The following LYPD6B variants were observed in gnomAD, a reference collection of about 807,000 sequenced individuals.
LYPD6B encodes ly6/PLAUR domain-containing protein 6B.
Under a neutral mutation model 22.8 loss-of-function variants are expected in LYPD6B, and 17 were observed. The ratio of observed to expected loss-of-function variants is 0.75; its 90% CI spans 0.51 to 1.12. LYPD6B has a LOEUF of 1.12. LYPD6B is among the 50% of genes most tolerant of loss of function. LYPD6B has a pLI of 0.00. For synonymous variants in LYPD6B, 106 were observed against 91.6 expected (o/e 1.16, Z -0.90); for missense variants, 221 against 258.3 (o/e 0.86, Z 0.99).
At chr2:149,086,568 G>A (rs959257309) in intron 1 of LYPD6B, among the ~76,000 whole-genome samples, 23 of 152,200 alleles carry the variant, frequency 1.5e-4, no homozygotes, top group Admixed American at 6.5e-5. Context: ...ATCAGAGCCA[G>A]GACAAAGGGT....
At position 149,214,806 on chromosome 2, in the gene LYPD6B, TTGG is replaced by T. The variant is rs1233822201; in HGVS notation, c.*99_*101del. The T allele has an allele frequency of 7.4e-7, 1 of 1,348,986 alleles. No homozygotes were observed. The highest frequency in any genetic ancestry group is 1.4e-5 in the African/African-American group (1 of 69,744). 83.6% of individuals were successfully genotyped at this position (1,348,986 alleles called of 1,614,324 possible). On this transcript the variant is annotated 3_prime_UTR_variant, in exon 7 of 7. Transcript: ENST00000409642. The stretch of plus-strand genomic sequence containing the variant: ...TTTGGAGTGAAGATCAATCTTGCAC[TTGG>T]TGAAGAGTGCACATTGGACCTCAAG...
At chr2:149,079,005 CTT>C (rs201949554) in intron 1 of LYPD6B, among the ~76,000 whole-genome samples, 9 of 129,552 alleles carry the variant, frequency 6.9e-5, no homozygotes, top group South Asian at 2.5e-4. Context: ...GAGATCCTGT[CTT>C]TTTTTTTTTT....
intron 1 of LYPD6B, among the ~76,000 whole-genome samples, chr2:149,112,209 G>C (rs1369259799): frequency 6.6e-6 from 1 of 152,104 alleles, no homozygotes. Context: ...TGTCTTAGAG[G>C]AGATATGAAA....
chr2:149,215,102 T>C lies in LYPD6B; in HGVS notation c.*392T>C, dbSNP rs1396527771. 1 of 172,742 alleles carries C rather than the reference T, an allele frequency of 5.8e-6. No individual in the cohort carries two copies. The highest frequency in any genetic ancestry group is 2.4e-5 in the African/African-American group (1 of 42,520). 10.7% of individuals were successfully genotyped at this position (172,742 alleles called of 1,614,324 possible). On this transcript the variant is annotated 3_prime_UTR_variant, in exon 7 of 7. Coordinates refer to ENST00000409642, the MANE Select transcript of LYPD6B (RefSeq NM_177964.5). ...TTATGTGATTAGCTCAGAGCATCTC[T>C]ATGAAATCTAACCCTTCCCCTCATG...
chr2:149,157,326 A>ACTT lies in LYPD6B; in HGVS notation c.6-3438_6-3437insCTT. The stretch of plus-strand genomic sequence containing the variant: ...CTATTGCTCTAGAAGTCAGTCTAAA[A>ACTT]ACACACAGGAGGAACTCAAGACTTA... On this transcript the variant is annotated intron_variant, in intron 2 of 6. Coordinates refer to ENST00000409642, the MANE Select transcript of LYPD6B (RefSeq NM_177964.5). 1.3e-5 allele frequency among the ~76,000 whole-genome samples: 2 copies of ACTT among 152,056 alleles called. 1 individual carries two copies.
chr2:149,056,234 C>A (rs1683783613), intron 1 of LYPD6B, among the ~76,000 whole-genome samples: 1 of 152,178 alleles, frequency 6.6e-6, no homozygotes, highest in South Asian at 2.1e-4. Context: ...TCTATCCTGC[C>A]TTTCCACAAT....
intron 1 of LYPD6B, among the ~76,000 whole-genome samples, chr2:149,123,506 A>C (rs1687506567): frequency 6.6e-6 from 1 of 152,178 alleles, no homozygotes; most frequent in Non-Finnish European, 1.5e-5. Context: ...AAGGGCACTG[A>C]ACTGATAATT....
At chr2:149,184,881 C>T (rs144307597) in intron 3 of LYPD6B, among the ~76,000 whole-genome samples, 5 of 152,292 alleles carry the variant, frequency 3.3e-5, no homozygotes, top group African/African-American at 1.2e-4. Context: ...ATGTAGTACG[C>T]GATAGGCATG....
chr2:149,056,654 A>G (rs879412744), intron 1 of LYPD6B, among the ~76,000 whole-genome samples: 8 of 152,172 alleles, frequency 5.3e-5, no homozygotes, highest in Admixed American at 3.9e-4. Context: ...ATGCACATAC[A>G]TGCATGCACA....
chr2:149,068,633 A>G, intron 1 of LYPD6B: 1 of 508,174 alleles, frequency 2.0e-6, no homozygotes, highest in South Asian at 1.5e-5. Flanking sequence ...TTTCCTTATT[A>G]TTATAGCTCC....
At chr2:149,080,540 T>C (rs1685074910) in intron 1 of LYPD6B, among the ~76,000 whole-genome samples, 1 of 152,156 alleles carries the variant, frequency 6.6e-6, no homozygotes, top group South Asian at 2.1e-4. Context: ...TCTTTCTCAC[T>C]TTTAAGAATC....
chr2:149,111,359 A>G (rs529581763), intron 1 of LYPD6B, among the ~76,000 whole-genome samples: 2 of 152,324 alleles, frequency 1.3e-5, no homozygotes, highest in South Asian at 2.1e-4. Context: ...GGAAGTTACT[A>G]TAGTCTTCCA....
chr2:149,073,266 A>G (rs1428043601), intron 1 of LYPD6B, among the ~76,000 whole-genome samples: 1 of 152,152 alleles, frequency 6.6e-6, no homozygotes, highest in Non-Finnish European at 1.5e-5. Flanking sequence ...TCTCTGACCC[A>G]TTGCTGATGT....
At chr2:149,157,850 G>C (rs866571649) in intron 2 of LYPD6B, among the ~76,000 whole-genome samples, 1 of 152,068 alleles carries the variant, frequency 6.6e-6, no homozygotes, top group African/African-American at 2.4e-5. Context: ...TTTTACCTGC[G>C]GGGATAGAAA....
At chr2:149,121,789 A>G (rs1412932908) in intron 1 of LYPD6B, among the ~76,000 whole-genome samples, 3 of 152,062 alleles carry the variant, frequency 2.0e-5, no homozygotes, top group African/African-American at 7.2e-5. Flanking sequence ...GCAGTGAAGC[A>G]CCCAAGGATT....
chr2:149,198,108 C>T (rs1335152398), intron 3 of LYPD6B, among the ~76,000 whole-genome samples: 1 of 151,384 alleles, frequency 6.6e-6, no homozygotes, highest in Admixed American at 6.6e-5. Flanking sequence ...AGTGGCATGA[C>T]CTCGGCTCAC....
chr2:149,214,783 TG>T lies in LYPD6B; in HGVS notation c.*75del. On this transcript the variant is annotated 3_prime_UTR_variant, in exon 7 of 7. Transcript: ENST00000409642. ...CAAAAACTGTGTGAACGGTGAACTT[TG>T]GAGTGAAGATCAATCTTGCACTTGG... The T allele has an allele frequency of 6.7e-7, 1 of 1,485,628 alleles. No individual in the cohort carries two copies. The highest frequency in any genetic ancestry group is 9.4e-7 in the Non-Finnish European group (1 of 1,067,658). 92.0% of individuals were successfully genotyped at this position (1,485,628 alleles called of 1,614,324 possible).
rs141274980 is a variant in LYPD6B at position 149,188,849 on chromosome 2, C to G, written c.78-16404C>G. ...CTTAAGACAAATGAACTCACTCACT[C>G]GAGGTCATTGTTTTCTATTATTTTG... On this transcript the variant is annotated intron_variant, in intron 3 of 6. Coordinates refer to ENST00000409642, the MANE Select transcript of LYPD6B (RefSeq NM_177964.5). The G allele has an allele frequency of 3.7e-4, 62 of 165,768 alleles. No individual in the cohort carries two copies. In the South Asian group the frequency reaches 6.5e-3, roughly 17 times the overall value. 10.3% of individuals were successfully genotyped at this position (165,768 alleles called of 1,614,324 possible). A position where few individuals can be genotyped will look rare whatever the true frequency, so the allele number is the denominator to read the frequency against.
At chr2:149,061,080 G>C (rs1485751612) in intron 1 of LYPD6B, among the ~76,000 whole-genome samples, 1 of 152,060 alleles carries the variant, frequency 6.6e-6, no homozygotes, top group Non-Finnish European at 1.5e-5. Flanking sequence ...TAGACTCTGT[G>C]GAATGAGGTG....
Sources: gnomAD v4.1 joint callset for allele counts (sites outside exome capture counted in the v4.1 genomes callset) on GRCh38, gnomAD v4.1.1 for gene constraint, MANE v1.5 for transcripts, NCBI Gene and HGNC (gene_info 2026-07-23, HGNC 2026-07-21) for gene names.